HHAT: variants seen among roughly 807,000 people sequenced by gnomAD.
The protein encoded by HHAT is protein-cysteine N-palmitoyltransferase HHAT.
In HHAT, 47 loss-of-function variants were observed where a neutral mutation model predicts 70.8. That is an observed-to-expected ratio of 0.66 (90% CI 0.53 to 0.85). The LOEUF is 0.85. Ranked by LOEUF, HHAT falls within the 40% of genes least tolerant of loss-of-function variation. The pLI is 0.00. For synonymous variants in HHAT, 228 were observed against 247.6 expected (o/e 0.92, Z 0.74); for missense variants, 609 against 604.8 (o/e 1.01, Z -0.07).
chr1:210,544,265 T>A (rs1452899771), intron 9 of HHAT, among the ~76,000 whole-genome samples: 7 of 152,186 alleles, frequency 4.6e-5, no homozygotes, highest in Non-Finnish European at 8.8e-5. Flanking sequence ...ACTATATGGA[T>A]TCCTGTCAAG....
chr1:210,328,742 G>C (rs116895848), upstream of HHAT, among the ~76,000 whole-genome samples: 19 of 152,340 alleles, frequency 1.2e-4, no homozygotes, highest in East Asian at 3.3e-3. Context: ...GGAACCAACA[G>C]CCGAGGGGTG....
intron 9 of HHAT, among the ~76,000 whole-genome samples, chr1:210,546,504 G>C (rs1343327571): frequency 2.0e-5 from 3 of 152,184 alleles, no homozygotes; most frequent in Non-Finnish European, 2.9e-5. Flanking sequence ...GAAAGATGGT[G>C]GTCCAGTGTG....
At chr1:210,346,422 A>G (rs752064939) in intron 1 of HHAT, among the ~76,000 whole-genome samples, 2 of 152,254 alleles carry the variant, frequency 1.3e-5, no homozygotes, top group Non-Finnish European at 2.9e-5. Flanking sequence ...AAAGTTCCAG[A>G]AAGGAGTCTT....
intron 3 of HHAT, among the ~76,000 whole-genome samples, chr1:210,381,247 T>C (rs978163411): frequency 2.0e-5 from 3 of 152,106 alleles, no homozygotes; most frequent in South Asian, 4.2e-4. Context: ...TTGAAAGATT[T>C]GAATGATTAT....
intron 7 of HHAT, among the ~76,000 whole-genome samples, chr1:210,445,193 G>A (rs2093610674): frequency 6.6e-6 from 1 of 152,180 alleles, no homozygotes; most frequent in Non-Finnish European, 1.5e-5. Context: ...GCATAATAGT[G>A]CGGAGAATAT....
intron 8 of HHAT, 53 bp from the exon 9 acceptor site, chr1:210,513,100 C>T: frequency 5.8e-6 from 6 of 1,033,238 alleles, no homozygotes; most frequent in Non-Finnish European, 6.0e-6. Flanking sequence ...TCTAGTCTAC[C>T]ATTACTATAA....
intron 8 of HHAT, among the ~76,000 whole-genome samples, chr1:210,475,517 C>T (rs894763198): frequency 3.3e-5 from 5 of 152,200 alleles, no homozygotes; most frequent in African/African-American, 1.2e-4. Context: ...CCTCCACCTA[C>T]ATGACAGACT....
intron 7 of HHAT, among the ~76,000 whole-genome samples, chr1:210,438,369 A>G (rs1001261843): frequency 4.6e-5 from 7 of 151,750 alleles, no homozygotes; most frequent in Non-Finnish European, 7.3e-5. Context: ...AGTTACATAC[A>G]TATCACCTCC....
At chr1:210,478,190 G>A (rs2094334980) in intron 8 of HHAT, among the ~76,000 whole-genome samples, 1 of 152,210 alleles carries the variant, frequency 6.6e-6, no homozygotes, top group Non-Finnish European at 1.5e-5. Context: ...GATTGATCCA[G>A]AGGGAAATTC....
intron 11 of HHAT, among the ~76,000 whole-genome samples, chr1:210,650,696 C>T (rs1574000214): frequency 6.6e-6 from 1 of 152,276 alleles, no homozygotes; most frequent in Non-Finnish European, 1.5e-5. Flanking sequence ...TATTTAATCT[C>T]TTTCTAGGTC....
chr1:210,523,623 C>A (rs2095196903), intron 9 of HHAT, among the ~76,000 whole-genome samples: 1 of 152,050 alleles, frequency 6.6e-6, no homozygotes, highest in Non-Finnish European at 1.5e-5. Flanking sequence ...TGCGCGCGCA[C>A]ACGTGCGCAT....
chr1:210,654,225 TAGTG>T (rs1183111224), intron 11 of HHAT, among the ~76,000 whole-genome samples: 4 of 61,872 alleles, frequency 6.5e-5, no homozygotes, highest in East Asian at 1.1e-3. Context: ...AGTGGAATAA[TAGTG>T]AGCCATGGTT....
At chr1:210,604,268 A>G (rs1357419590) in intron 10 of HHAT, among the ~76,000 whole-genome samples, 2 of 128,258 alleles carry the variant, frequency 1.6e-5, no homozygotes, top group Admixed American at 1.6e-4. Flanking sequence ...TTGTATTTTT[A>G]GTAGAGACAG....
At chr1:210,579,025 G>A (rs991897927) in intron 9 of HHAT, among the ~76,000 whole-genome samples, 3 of 152,186 alleles carry the variant, frequency 2.0e-5, no homozygotes, top group African/African-American at 4.8e-5. Flanking sequence ...GATGGAGCTG[G>A]AGGCCATTAT....
At chr1:210,637,536 T>C (rs746439148) in intron 11 of HHAT, among the ~76,000 whole-genome samples, 2 of 151,982 alleles carry the variant, frequency 1.3e-5, no homozygotes, top group Non-Finnish European at 2.9e-5. Context: ...CTAGAATATA[T>C]AACTCAATGA....
Position 210,337,613 on chromosome 1 carries a change from G to A in HHAT, c.-44+8509G>A, listed in dbSNP as rs376745486. Among the ~76,000 whole-genome samples, 9 of 152,112 alleles carry A rather than the reference G, an allele frequency of 5.9e-5. No homozygotes were observed. The South Asian group carries it at 1.9e-3, about 32-fold the overall frequency. On this transcript the variant is annotated intron_variant, in intron 1 of 11. Transcript: ENST00000261458. ...TTCCAAGCACACCACTCTAACCTCT[G>A]CCTCCATCATCACCTCACATTTCCT...
At chr1:210,526,561 T>C (rs543271889) in intron 9 of HHAT, among the ~76,000 whole-genome samples, 2 of 152,174 alleles carry the variant, frequency 1.3e-5, no homozygotes, top group South Asian at 4.1e-4. Context: ...GGAAAAGGCA[T>C]TGGATCAGAT....
At chr1:210,627,696 G>A (rs759491856) in intron 11 of HHAT, among the ~76,000 whole-genome samples, 1 of 151,972 alleles carries the variant, frequency 6.6e-6, no homozygotes, top group Non-Finnish European at 1.5e-5. Context: ...AAGAAGTAGT[G>A]TTCAGTTTAT....
chr1:210,451,781 G>A (rs774553211), intron 7 of HHAT, among the ~76,000 whole-genome samples: 4 of 152,110 alleles, frequency 2.6e-5, no homozygotes, highest in Non-Finnish European at 5.9e-5. Flanking sequence ...GTTTTGCTAT[G>A]TTGCCCAGGC....
Sources: allele counts gnomAD v4.1 joint callset (sites outside exome capture counted in the v4.1 genomes callset), GRCh38; gene constraint gnomAD v4.1.1; transcripts MANE v1.5; gene names NCBI Gene and HGNC (gene_info 2026-07-23, HGNC 2026-07-21).